The following HS3ST4 variants were observed in gnomAD, a reference collection of about 807,000 sequenced individuals.
The protein encoded by HS3ST4 is heparan sulfate-glucosamine 3-sulfotransferase 4.
A neutral mutation model predicts 29.2 loss-of-function variants in HS3ST4; 17 were observed. That is an observed-to-expected ratio of 0.58 (90% CI 0.40 to 0.87). The LOEUF is 0.87. HS3ST4 is among the 40% of genes least tolerant of loss of function. HS3ST4 has a pLI of 0.00. For synonymous variants in HS3ST4, 314 were observed against 285.7 expected, an observed-to-expected ratio of 1.10 and a Z score of -1.00; for missense variants, 627 against 634.5, an observed-to-expected ratio of 0.99 and a Z score of 0.13.
chr16:25,884,111 C>T (rs1193125794), intron 1 of HS3ST4, among the ~76,000 whole-genome samples: 2 of 150,178 alleles, frequency 1.3e-5, no homozygotes, highest in African/African-American at 4.9e-5. Context: ...GAGACTCTGT[C>T]TCAAAGAAAA....
intron 1 of HS3ST4, among the ~76,000 whole-genome samples, chr16:25,995,105 G>T (rs140434161): frequency 1.3e-5 from 2 of 152,166 alleles, no homozygotes; most frequent in African/African-American, 2.4e-5. Flanking sequence ...ATCACAGCAG[G>T]TTCTTTTGTG....
At chr16:25,779,227 C>A (rs1966850520) in intron 1 of HS3ST4, among the ~76,000 whole-genome samples, 4 of 152,284 alleles carry the variant, frequency 2.6e-5, no homozygotes, top group Admixed American at 2.6e-4. Context: ...GTCACCAAAC[C>A]AAAATCAGGG....
At chr16:25,949,282 G>T (rs988219756) in intron 1 of HS3ST4, among the ~76,000 whole-genome samples, 1 of 151,860 alleles carries the variant, frequency 6.6e-6, no homozygotes, top group Non-Finnish European at 1.5e-5. Flanking sequence ...TCATCCTATG[G>T]TGCTCTCAAA....
intron 1 of HS3ST4, among the ~76,000 whole-genome samples, chr16:25,855,124 G>A (rs776492908): frequency 4.6e-5 from 7 of 152,142 alleles, no homozygotes; most frequent in African/African-American, 7.2e-5. Context: ...GATTTCAAAC[G>A]TTTTTTGATT....
chr16:25,929,699 G>C (rs749651160), intron 1 of HS3ST4, among the ~76,000 whole-genome samples: 2 of 152,180 alleles, frequency 1.3e-5, no homozygotes, highest in Non-Finnish European at 2.9e-5. Context: ...CCATCTAGAA[G>C]GTTGGCAGCA....
chr16:25,743,962 A>G (rs1372298334), intron 1 of HS3ST4, among the ~76,000 whole-genome samples: 1 of 152,158 alleles, frequency 6.6e-6, no homozygotes, highest in African/African-American at 2.4e-5. Context: ...TCTCTTCTCC[A>G]GTTTAAATAG....
intron 1 of HS3ST4, among the ~76,000 whole-genome samples, chr16:26,060,131 C>T (rs142435926): frequency 3.9e-5 from 6 of 152,228 alleles, no homozygotes; most frequent in African/African-American, 7.2e-5. Context: ...AACCCTGAGT[C>T]CGTGCATTAG....
At chr16:25,893,570 T>C (rs879457843) in intron 1 of HS3ST4, among the ~76,000 whole-genome samples, 13 of 152,138 alleles carry the variant, frequency 8.5e-5, no homozygotes, top group Non-Finnish European at 1.6e-4. Flanking sequence ...CAGGGAGGGT[T>C]CCCATTGGCC....
At chr16:25,978,034 C>G (rs1476090170) in intron 1 of HS3ST4, among the ~76,000 whole-genome samples, 1 of 152,236 alleles carries the variant, frequency 6.6e-6, no homozygotes, top group East Asian at 1.9e-4. Flanking sequence ...ATCTCTATTT[C>G]TTCATCTGCA....
At chr16:25,853,167 C>T (rs549369612) in intron 1 of HS3ST4, among the ~76,000 whole-genome samples, 5 of 152,086 alleles carry the variant, frequency 3.3e-5, no homozygotes, top group African/African-American at 4.8e-5. Context: ...AAATTGTTTT[C>T]TTAATTTCTT....
chr16:25,719,878 A>C (rs1215855558), intron 1 of HS3ST4, among the ~76,000 whole-genome samples: 2 of 152,210 alleles, frequency 1.3e-5, no homozygotes, highest in Admixed American at 6.5e-5. Flanking sequence ...GATATGGAGT[A>C]TACACCAGTG....
intron 1 of HS3ST4, among the ~76,000 whole-genome samples, chr16:26,128,224 A>G (rs564420338): frequency 6.6e-6 from 1 of 152,310 alleles, no homozygotes; most frequent in South Asian, 2.1e-4. Context: ...ATGTTACTAA[A>G]TGGGATATAC....
chr16:25,921,479 G>C (rs1433167178), intron 1 of HS3ST4, among the ~76,000 whole-genome samples: 2 of 152,218 alleles, frequency 1.3e-5, no homozygotes, highest in African/African-American at 4.8e-5. Flanking sequence ...TTTAAATTGA[G>C]TTGACATGAG....
intron 1 of HS3ST4, among the ~76,000 whole-genome samples, 171 bp from the exon 2 acceptor site, chr16:26,135,441 G>A (rs924977071): frequency 3.3e-5 from 5 of 152,138 alleles, no homozygotes; most frequent in Non-Finnish European, 7.4e-5. Flanking sequence ...ATAATACGTA[G>A]CCAGGGTAAG....
At chr16:25,706,854 C>G (rs1966379400) in intron 1 of HS3ST4, among the ~76,000 whole-genome samples, 1 of 152,208 alleles carries the variant, frequency 6.6e-6, no homozygotes, top group Non-Finnish European at 1.5e-5. Flanking sequence ...ATACAGAAGG[C>G]TTCTCTTATC....
At chr16:26,128,147 G>A (rs1346972797) in intron 1 of HS3ST4, among the ~76,000 whole-genome samples, 1 of 152,090 alleles carries the variant, frequency 6.6e-6, no homozygotes, top group Non-Finnish European at 1.5e-5. Context: ...TGGCAATGCA[G>A]CTGAGATTTG....
intron 1 of HS3ST4, among the ~76,000 whole-genome samples, chr16:25,992,852 G>C (rs771755969): frequency 6.6e-6 from 1 of 152,344 alleles, no homozygotes; most frequent in South Asian, 2.1e-4. Context: ...GCACTTGTAT[G>C]GTGCAGGGAG....
chr16:25,987,215 T>A (rs1969073529), intron 1 of HS3ST4, among the ~76,000 whole-genome samples: 1 of 152,112 alleles, frequency 6.6e-6, no homozygotes, highest in African/African-American at 2.4e-5. Flanking sequence ...CCAGGTGTGG[T>A]GGCACATGCC....
chr16:25,865,570 C>G (rs570435070), intron 1 of HS3ST4, among the ~76,000 whole-genome samples: 1 of 152,160 alleles, frequency 6.6e-6, no homozygotes, highest in African/African-American at 2.4e-5. Flanking sequence ...GATTTAAAAA[C>G]ATACCACAAA....
Sources: gnomAD v4.1 joint callset for allele counts (sites outside exome capture counted in the v4.1 genomes callset) on GRCh38, gnomAD v4.1.1 for gene constraint, MANE v1.5 for transcripts, NCBI Gene and HGNC (gene_info 2026-07-23, HGNC 2026-07-21) for gene names.